PRKN: variants seen among roughly 807,000 people sequenced by gnomAD.
PRKN encodes E3 ubiquitin-protein ligase parkin.
PRKN carries 56 observed loss-of-function variants against 59.5 expected under a neutral mutation model. The ratio of observed to expected loss-of-function variants is 0.94; its 90% CI spans 0.76 to 1.18. The LOEUF (loss-of-function observed/expected upper bound fraction) is 1.18. Among genes scored for constraint, PRKN ranks in the 50% most tolerant of loss-of-function variants. The probability of loss-of-function intolerance (pLI) is 0.00; values close to 1 mark genes in which losing one functional copy is unlikely to be tolerated. For synonymous variants in PRKN, 250 were observed against 222.1 expected, an observed-to-expected ratio of 1.13 and a Z score of -1.12; for missense variants, 657 against 596.4, an observed-to-expected ratio of 1.10 and a Z score of -1.06.
intron 6 of PRKN, among the ~76,000 whole-genome samples, chr6:161,856,352 T>C (rs6931778): frequency 0.5 from 75,435 of 151,442 alleles, 19,043 homozygotes; most frequent in East Asian, 0.76. Context: ...GAGAGTGAAA[T>C]GCCATCTCAA....
intron 7 of PRKN, among the ~76,000 whole-genome samples, chr6:161,774,642 G>A (rs994373156): frequency 1.4e-4 from 22 of 152,140 alleles, no homozygotes; most frequent in African/African-American, 4.8e-4. Context: ...GGCAGGATTC[G>A]GGTCTGGGTC....
chr6:162,173,243 C>G (rs1783369129), intron 4 of PRKN, among the ~76,000 whole-genome samples: 1 of 152,168 alleles, frequency 6.6e-6, no homozygotes, highest in African/African-American at 2.4e-5. Flanking sequence ...ACTGGTCTTA[C>G]TACAGTCATT....
Position 162,282,220 on chromosome 6 carries a change from T to G in PRKN, c.172-19455A>C, listed in dbSNP as rs902558667. Reference sequence around the variant, plus strand: ...AAGGCAGAATTAATGGATGTTCTAATTTACTATGGAGGCAACATAGCAAAA... The same window carrying G: ...AAGGCAGAATTAATGGATGTTCTAAGTTACTATGGAGGCAACATAGCAAAA... On this transcript the variant is annotated intron_variant, in intron 2 of 11. Coordinates refer to ENST00000366898, the MANE Select transcript of PRKN (RefSeq NM_004562.3). Among the ~76,000 whole-genome samples, 17 of 152,250 alleles carry G rather than the reference T, an allele frequency of 1.1e-4. 1 individual carries two copies. Among genetic ancestry groups the G allele is most frequent in the African/African-American group, 4.1e-4 (17 of 41,552 alleles).
chr6:161,824,306 A>G (rs558304163), intron 6 of PRKN, among the ~76,000 whole-genome samples: 1 of 152,372 alleles, frequency 6.6e-6, no homozygotes, highest in African/African-American at 2.4e-5. Context: ...TCATAAGTGC[A>G]AGGTGCGATT....
chr6:162,481,156 C>A (rs1792292510), intron 1 of PRKN, among the ~76,000 whole-genome samples: 2 of 152,134 alleles, frequency 1.3e-5, no homozygotes, highest in South Asian at 4.1e-4. Context: ...AATTAATGTT[C>A]TCATATAAAG....
At chr6:162,676,503 T>G (rs1385672524) in intron 1 of PRKN, among the ~76,000 whole-genome samples, 3 of 152,110 alleles carry the variant, frequency 2.0e-5, no homozygotes, top group Non-Finnish European at 2.9e-5. Context: ...TTTGGGCAGG[T>G]CAATAACATA....
At chr6:161,679,684 C>T (rs757239400) in intron 7 of PRKN, among the ~76,000 whole-genome samples, 5,238 of 84,842 alleles carry the variant, frequency 0.062, 286 homozygotes, top group South Asian at 0.14. Context: ...ACCCCCCCCC[C>T]TTTTTTTTTT....
chr6:162,299,441 G>A (rs779494226), intron 2 of PRKN, among the ~76,000 whole-genome samples: 2 of 151,850 alleles, frequency 1.3e-5, no homozygotes, highest in Non-Finnish European at 2.9e-5. Context: ...CAGCTTCTTC[G>A]ATAAAAACAG....
intron 7 of PRKN, among the ~76,000 whole-genome samples, chr6:161,701,769 A>T (rs1786261076): frequency 6.6e-6 from 1 of 152,224 alleles, no homozygotes; most frequent in Admixed American, 6.5e-5. Flanking sequence ...AGAAATTAGT[A>T]TTTCAAGAGA....
Position 162,450,490 on chromosome 6 carries a change from C to G in PRKN, c.8-7017G>C, listed in dbSNP as rs907373552. On this transcript the variant is annotated intron_variant, in intron 1 of 11. Coordinates refer to ENST00000366898, the MANE Select transcript of PRKN (RefSeq NM_004562.3). ...AAAAACAACCTCACAGTGGAGAAAC[C>G]TGACAGGCGCTACCGCAGCCAGGTG... Among the ~76,000 whole-genome samples the G allele has an allele frequency of 3.3e-5, 5 of 152,050 alleles. No individual in the cohort carries two copies. In the East Asian group the frequency reaches 9.7e-4, roughly 29 times the overall value.
chr6:161,793,619 C>T (rs951792380), intron 6 of PRKN, among the ~76,000 whole-genome samples: 1 of 151,418 alleles, frequency 6.6e-6, no homozygotes, highest in African/African-American at 2.4e-5. Context: ...GAGTTGAAGA[C>T]AAATAATTAA....
At chr6:162,723,517 G>A (rs1404648433) in intron 1 of PRKN, among the ~76,000 whole-genome samples, 1 of 152,154 alleles carries the variant, frequency 6.6e-6, no homozygotes, top group Non-Finnish European at 1.5e-5. Flanking sequence ...AGTGAAAGCT[G>A]AGTCAGTCTC....
At chr6:161,961,550 C>T (rs1337519868) in intron 6 of PRKN, among the ~76,000 whole-genome samples, 1 of 152,132 alleles carries the variant, frequency 6.6e-6, no homozygotes, top group African/African-American at 2.4e-5. Flanking sequence ...CCCTGTTCTA[C>T]CACGATACAG....
At chr6:162,260,922 T>C (rs1041784335) in intron 3 of PRKN, among the ~76,000 whole-genome samples, 1 of 152,062 alleles carries the variant, frequency 6.6e-6, no homozygotes, top group Non-Finnish European at 1.5e-5. Context: ...ACATAGTAAA[T>C]ATAGGGTTTG....
chr6:162,396,045 G>A (rs1162775487), intron 2 of PRKN, among the ~76,000 whole-genome samples: 1 of 152,174 alleles, frequency 6.6e-6, no homozygotes, highest in African/African-American at 2.4e-5. Flanking sequence ...ATTAAATGTA[G>A]ACAAAGCGAA....
intron 7 of PRKN, among the ~76,000 whole-genome samples, chr6:161,699,017 T>C (rs572295103): frequency 3.9e-5 from 6 of 152,216 alleles, no homozygotes; most frequent in Non-Finnish European, 5.9e-5. Context: ...AACTAGAGTA[T>C]AGAAATCACT....
chr6:161,769,498 C>G (rs774980901), intron 7 of PRKN, among the ~76,000 whole-genome samples: 5 of 152,116 alleles, frequency 3.3e-5, no homozygotes, highest in Non-Finnish European at 7.4e-5. Context: ...CTCCCAGTAC[C>G]CCTAGAGGAA....
chr6:161,754,827 G>A (rs906883772), intron 7 of PRKN, among the ~76,000 whole-genome samples: 16 of 152,170 alleles, frequency 1.1e-4, no homozygotes, highest in African/African-American at 3.9e-4. Context: ...CTGTCGTGGT[G>A]CCAGATGATG....
At chr6:161,767,496 G>A (rs1789477759) in intron 7 of PRKN, among the ~76,000 whole-genome samples, 1 of 139,394 alleles carries the variant, frequency 7.2e-6, no homozygotes, top group East Asian at 2.2e-4. Flanking sequence ...CCGCCTGGGC[G>A]ACAGAGCAAA....
Sources: gnomAD v4.1 joint callset for allele counts (sites outside exome capture counted in the v4.1 genomes callset) on GRCh38, gnomAD v4.1.1 for gene constraint, MANE v1.5 for transcripts, NCBI Gene and HGNC (gene_info 2026-07-23, HGNC 2026-07-21) for gene names.